LMX1A: variants seen among roughly 807,000 people sequenced by gnomAD.
LMX1A encodes the protein LIM homeobox transcription factor 1 alpha, also known as LIM homeobox transcription factor 1-alpha.
In LMX1A, 15 loss-of-function variants were observed where a neutral mutation model predicts 49.1. The ratio of observed to expected loss-of-function variants is 0.31; its 90% CI spans 0.20 to 0.47. The LOEUF (loss-of-function observed/expected upper bound fraction) is 0.47. Among genes scored for constraint, LMX1A ranks in the 20% least tolerant of loss-of-function variants. LMX1A has a pLI of 1.00. For missense variants in LMX1A, 372 were observed against 475.8 expected, an observed-to-expected ratio of 0.78 and a Z score of 2.03; for synonymous variants, 167 against 185.7, an observed-to-expected ratio of 0.90 and a Z score of 0.82.
At chr1:165,340,210 C>T (rs942065174) in intron 3 of LMX1A, among the ~76,000 whole-genome samples, 2 of 152,108 alleles carry the variant, frequency 1.3e-5, no homozygotes, top group Non-Finnish European at 2.9e-5. Context: ...AAAAGCCATC[C>T]TCCCACCTCA....
intron 4 of LMX1A, among the ~76,000 whole-genome samples, chr1:165,214,588 C>G (rs1651572172): frequency 6.6e-6 from 1 of 152,204 alleles, no homozygotes; most frequent in Non-Finnish European, 1.5e-5. Context: ...TGAGCCTTGA[C>G]TGTTGATGAT....
chr1:165,219,946 C>T (rs1651778295), intron 4 of LMX1A, among the ~76,000 whole-genome samples: 1 of 152,172 alleles, frequency 6.6e-6, no homozygotes, highest in African/African-American at 2.4e-5. Flanking sequence ...GTTCACAGTG[C>T]AGGTGTCACC....
intron 3 of LMX1A, among the ~76,000 whole-genome samples, chr1:165,263,243 C>T (rs1334522641): frequency 6.6e-6 from 1 of 152,166 alleles, no homozygotes; most frequent in African/African-American, 2.4e-5. Context: ...AACTTGTATA[C>T]CCAACTACCT....
At chr1:165,213,394 GA>G in intron 5 of LMX1A, 1 of 422,266 alleles carries the variant, frequency 2.4e-6, no homozygotes, top group Non-Finnish European at 4.2e-6. Context: ...TCTATGAAAT[GA>G]AAGGTGTGAC....
At chr1:165,264,724 A>C (rs1653559733) in intron 3 of LMX1A, among the ~76,000 whole-genome samples, 1 of 152,094 alleles carries the variant, frequency 6.6e-6, no homozygotes, top group Non-Finnish European at 1.5e-5. Context: ...TAGGAGGCAG[A>C]AGCAGGAGGA....
At chr1:165,255,610 G>T (rs1408218346) in intron 3 of LMX1A, among the ~76,000 whole-genome samples, 1 of 152,154 alleles carries the variant, frequency 6.6e-6, no homozygotes, top group Non-Finnish European at 1.5e-5. Flanking sequence ...GCAATTTTTT[G>T]GGCCTTTATC....
At chr1:165,309,043 T>C (rs1377068516) in intron 3 of LMX1A, among the ~76,000 whole-genome samples, 2 of 152,154 alleles carry the variant, frequency 1.3e-5, no homozygotes, top group Admixed American at 6.5e-5. Context: ...GAGATGCTTA[T>C]GGAAAACCTC....
intron 3 of LMX1A, among the ~76,000 whole-genome samples, chr1:165,262,301 C>T (rs561055714): frequency 6.6e-6 from 1 of 152,218 alleles, no homozygotes; most frequent in Admixed American, 6.5e-5. Context: ...TACCTTTTCT[C>T]TTTTTTTCTG....
At chr1:165,257,359 G>A (rs1034748606) in intron 3 of LMX1A, among the ~76,000 whole-genome samples, 1 of 151,986 alleles carries the variant, frequency 6.6e-6, no homozygotes, top group Non-Finnish European at 1.5e-5. Context: ...AGCTCATGAG[G>A]GGGTCACGAA....
At chr1:165,210,828 G>A (rs1373759525) in intron 5 of LMX1A, 52 bp from the exon 6 acceptor site, 3 of 1,381,492 alleles carry the variant, frequency 2.2e-6, no homozygotes, top group Non-Finnish European at 3.1e-6. Flanking sequence ...CAGGGTAGGA[G>A]GTAGAACATC....
chr1:165,292,061 C>CAAAAA (rs771664986), intron 3 of LMX1A, among the ~76,000 whole-genome samples: 14 of 82,522 alleles, frequency 1.7e-4, no homozygotes, highest in Non-Finnish European at 2.3e-4. Context: ...AACTCCGTCT[C>CAAAAA]AAAAAAAAAA....
chr1:165,266,591 CTTTCTTTTTT>C (rs1187596069), intron 3 of LMX1A, among the ~76,000 whole-genome samples: 1 of 94,854 alleles, frequency 1.1e-5, no homozygotes, highest in Non-Finnish European at 2.1e-5. Context: ...TCTCTTCTTT[CTTTCTTTTTT>C]TTTTTTTTTT....
chr1:165,249,912 A>C (rs1652995379), intron 3 of LMX1A, among the ~76,000 whole-genome samples: 1 of 152,164 alleles, frequency 6.6e-6, no homozygotes, highest in Non-Finnish European at 1.5e-5. Context: ...AAAAAGGAAC[A>C]AGATCATGTC....
rs1249781654 is a variant in LMX1A at position 165,355,284 on chromosome 1, G to C, written c.76+200C>G. ...GGGGAATTCGGTGCCCAGTGCGTGA[G>C]GCCTGGGGCGGCTTGTTGGATTTAT... On this transcript the variant is annotated intron_variant, in intron 2 of 8. Coordinates refer to ENST00000342310, the MANE Select transcript of LMX1A (RefSeq NM_177398.4). This position sits in a 1 kb window ranked among gnomAD's most constrained non-coding sequence, Gnocchi z 4.7. Among the ~76,000 whole-genome samples the C allele has an allele frequency of 2.0e-5, 3 of 152,140 alleles. No homozygotes were observed. Among genetic ancestry groups the C allele is most frequent in the Non-Finnish European group, 4.4e-5 (3 of 68,042 alleles).
Position 165,355,471 on chromosome 1 carries a change from C to T in LMX1A, c.76+13G>A, listed in dbSNP as rs767004418. ...AAGAGAGTGCGCCCAGGACGCACGG[C>T]CTGAACACTCACCCAGCAGCGAGGA... On this transcript the variant is annotated intron_variant, in intron 2 of 8. Transcript: ENST00000342310. This position sits in a 1 kb window ranked among gnomAD's most constrained non-coding sequence, Gnocchi z 4.7. 2.5e-6 allele frequency: 4 copies of T among 1,613,496 alleles called. No homozygotes were observed. The South Asian group carries it at 4.4e-5, about 18-fold the overall frequency.
At chr1:165,314,353 C>T (rs1052936239) in intron 3 of LMX1A, among the ~76,000 whole-genome samples, 4 of 152,190 alleles carry the variant, frequency 2.6e-5, no homozygotes, top group Admixed American at 2.0e-4. Context: ...GCTAAAGCAA[C>T]TTCACCTTTA....
At chr1:165,302,857 ACT>A (rs1373955823) in intron 3 of LMX1A, among the ~76,000 whole-genome samples, 3 of 152,160 alleles carry the variant, frequency 2.0e-5, no homozygotes, top group Non-Finnish European at 4.4e-5. Flanking sequence ...GCCTCCTGTA[ACT>A]CAGCATAGTT....
intron 3 of LMX1A, among the ~76,000 whole-genome samples, chr1:165,251,208 G>A (rs1049203920): frequency 6.6e-6 from 1 of 151,816 alleles, no homozygotes; most frequent in Non-Finnish European, 1.5e-5. Context: ...TCAGCCTTCT[G>A]AGTAGCTGGG....
intron 7 of LMX1A, among the ~76,000 whole-genome samples, chr1:165,207,157 A>G (rs972200382): frequency 6.6e-6 from 1 of 152,234 alleles, no homozygotes; most frequent in East Asian, 1.9e-4. Flanking sequence ...TGGAATCTGC[A>G]CCTTACCAAA....
Sources: allele counts gnomAD v4.1 joint callset (sites outside exome capture counted in the v4.1 genomes callset), GRCh38; gene constraint gnomAD v4.1.1; non-coding constraint Gnocchi (gnomAD v3.1); transcripts MANE v1.5; gene names NCBI Gene and HGNC (gene_info 2026-07-23, HGNC 2026-07-21).